SLC39A10: variants seen among roughly 807,000 people sequenced by gnomAD.
The protein encoded by SLC39A10 is zinc transporter ZIP10.
Under a neutral mutation model 65.1 loss-of-function variants are expected in SLC39A10, and 13 were observed. The ratio of observed to expected loss-of-function variants is 0.20; its 90% CI spans 0.13 to 0.32. The LOEUF (loss-of-function observed/expected upper bound fraction) is 0.32. Ranked by LOEUF, SLC39A10 falls within the 10% of genes least tolerant of loss-of-function variation. SLC39A10 has a pLI of 1.00. For synonymous variants in SLC39A10, 321 were observed against 342.2 expected (o/e 0.94, Z 0.68); for missense variants, 831 against 1,018.4 (o/e 0.82, Z 2.50).
chr2:195,716,030 G>A (rs1444985253), intron 6 of SLC39A10, among the ~76,000 whole-genome samples: 1 of 152,012 alleles, frequency 6.6e-6, no homozygotes, highest in East Asian at 1.9e-4. Flanking sequence ...AAGTGTCAGA[G>A]TATCACAAGC....
chr2:195,685,280 A>T (rs1553501844), intron 3 of SLC39A10, among the ~76,000 whole-genome samples: 1 of 151,628 alleles, frequency 6.6e-6, no homozygotes, highest in Non-Finnish European at 1.5e-5. Context: ...CACCTTTGTG[A>T]TTTTTCCCAT....
chr2:195,638,996 C>T (rs1559011354), intron 2 of SLC39A10, among the ~76,000 whole-genome samples: 1 of 150,948 alleles, frequency 6.6e-6, no homozygotes, highest in Non-Finnish European at 1.5e-5. Flanking sequence ...CATGCTGGTG[C>T]CCCGGCTGGA....
At position 195,679,197 on chromosome 2, in the gene SLC39A10, T is replaced by C. The variant is rs759816410; in HGVS notation, c.-11-835T>C. On this transcript the variant is annotated intron_variant, in intron 1 of 9. Coordinates refer to ENST00000359634, the MANE Select transcript of SLC39A10 (RefSeq NM_020342.3). ...CTGGACACTTTATCATTTTAGCATT[T>C]CTTGTTTCAGATTTATGTTCAGGAG... 5.2e-4 allele frequency among the ~76,000 whole-genome samples: 79 copies of C among 152,226 alleles called. 2 individuals carry two copies. Among genetic ancestry groups the C allele is most frequent in the Admixed American group, 1.3e-3 (20 of 15,276 alleles).
chr2:195,694,472 C>G lies in SLC39A10; in HGVS notation c.1216+10566C>G, dbSNP rs547245471. Among the ~76,000 whole-genome samples the G allele has an allele frequency of 3.3e-5, 5 of 152,258 alleles. No homozygotes were observed. The East Asian group carries it at 7.7e-4, about 23-fold the overall frequency. ...GGTGCTCCCTTGATATGGTGTTCTC[C>G]CCCTTTCCTTAGGGGAGACCTGAGC... On this transcript the variant is annotated intron_variant, in intron 3 of 9. Transcript: ENST00000359634.
At chr2:195,663,675 A>T (rs1477081906) in intron 1 of SLC39A10, among the ~76,000 whole-genome samples, 4 of 149,762 alleles carry the variant, frequency 2.7e-5, no homozygotes, top group African/African-American at 9.8e-5. Context: ...TTTTGATTTT[A>T]TGGTGTTTCA....
intron 3 of SLC39A10, among the ~76,000 whole-genome samples, chr2:195,689,207 C>T (rs545216133): frequency 5.1e-4 from 77 of 152,166 alleles, no homozygotes; most frequent in Non-Finnish European, 7.9e-4. Context: ...GCCAGGAGTT[C>T]GAGACTAGCC....
chr2:195,626,997 G>A (rs918472986), intron 2 of SLC39A10, among the ~76,000 whole-genome samples: 35 of 152,096 alleles, frequency 2.3e-4, no homozygotes, highest in Admixed American at 3.3e-4. Context: ...TTATCTCAAA[G>A]CATTAATCTG....
intron 1 of SLC39A10, among the ~76,000 whole-genome samples, chr2:195,667,607 C>T (rs1401130480): frequency 5.9e-5 from 9 of 152,208 alleles, no homozygotes; most frequent in Admixed American, 5.2e-4. Context: ...ATACATAATA[C>T]TACATCTAAT....
chr2:195,717,108 G>C, intron 7 of SLC39A10, 103 bp downstream of exon 7: 1 of 1,444,510 alleles, frequency 6.9e-7, no homozygotes. Context: ...GTATCACTCT[G>C]GTCAGTTGAT....
chr2:195,676,874 G>A (rs1690111694), intron 1 of SLC39A10, among the ~76,000 whole-genome samples: 1 of 152,168 alleles, frequency 6.6e-6, no homozygotes, highest in African/African-American at 2.4e-5. Context: ...AAGATTTTAT[G>A]TACCTTATGC....
intron 1 of SLC39A10, among the ~76,000 whole-genome samples, chr2:195,665,106 C>T (rs754858228): frequency 6.6e-5 from 10 of 152,142 alleles, no homozygotes; most frequent in Non-Finnish European, 1.5e-4. Context: ...GGCTGGATCA[C>T]CTGAGGTCAG....
chr2:195,692,275 ATG>A (rs1276409840), intron 3 of SLC39A10, among the ~76,000 whole-genome samples: 1 of 152,118 alleles, frequency 6.6e-6, no homozygotes, highest in Admixed American at 6.6e-5. Flanking sequence ...AAGTCAGGTA[ATG>A]TGATACCTCC....
At chr2:195,615,567 G>A (rs1313806345) in intron 2 of SLC39A10, among the ~76,000 whole-genome samples, 1 of 152,108 alleles carries the variant, frequency 6.6e-6, no homozygotes, top group Non-Finnish European at 1.5e-5. Flanking sequence ...GCCTGAGTAC[G>A]GGGACTTTTT....
At chr2:195,619,524 G>C (rs1350993392) in intron 2 of SLC39A10, among the ~76,000 whole-genome samples, 1 of 152,174 alleles carries the variant, frequency 6.6e-6, no homozygotes, top group Non-Finnish European at 1.5e-5. Flanking sequence ...ACAGGGCTGA[G>C]GTGTGATGTG....
chr2:195,638,800 G>A (rs1228347965), intron 2 of SLC39A10, among the ~76,000 whole-genome samples: 1 of 152,038 alleles, frequency 6.6e-6, no homozygotes, highest in Non-Finnish European at 1.5e-5. Context: ...AAAGACTGTA[G>A]TTTATTCAGA....
At chr2:195,686,068 A>T (rs1690512600) in intron 3 of SLC39A10, among the ~76,000 whole-genome samples, 1 of 152,198 alleles carries the variant, frequency 6.6e-6, no homozygotes, top group South Asian at 2.1e-4. Context: ...ATGAAATGCC[A>T]AAGACAGAGT....
At chr2:195,679,375 T>C (rs1368481062) in intron 1 of SLC39A10, among the ~76,000 whole-genome samples, 1 of 152,194 alleles carries the variant, frequency 6.6e-6, no homozygotes, top group Non-Finnish European at 1.5e-5. Flanking sequence ...TTAGTCTGTT[T>C]GTTATTGCAC....
intron 3 of SLC39A10, among the ~76,000 whole-genome samples, chr2:195,701,435 C>CTTTTTTTTTTTTTTTTTTT (rs66525117): frequency 1.8e-4 from 1 of 5,492 alleles, no homozygotes; most frequent in African/African-American, 8.6e-4. Flanking sequence ...TTCTGTGATT[C>CTTTTTTTTTTTTTTTTTTT]TTTTTTTTTT....
At chr2:195,624,256 G>T (rs1036161443) in intron 2 of SLC39A10, among the ~76,000 whole-genome samples, 4 of 151,454 alleles carry the variant, frequency 2.6e-5, no homozygotes, top group African/African-American at 9.7e-5. Flanking sequence ...GTATGCTGGC[G>T]GGCGCCTGTA....
Sources: gnomAD v4.1 joint callset for allele counts (sites outside exome capture counted in the v4.1 genomes callset) on GRCh38, gnomAD v4.1.1 for gene constraint, MANE v1.5 for transcripts, NCBI Gene and HGNC (gene_info 2026-07-23, HGNC 2026-07-21) for gene names.